KSR2: variants seen among roughly 807,000 people sequenced by gnomAD.
The protein encoded by KSR2 is kinase suppressor of ras 2.
In KSR2, 25 loss-of-function variants were observed where a neutral mutation model predicts 107.8. That is an observed-to-expected ratio of 0.23 (90% CI 0.17 to 0.32). The LOEUF (loss-of-function observed/expected upper bound fraction) is 0.32, where lower values mean the gene tolerates loss of function less well. KSR2 is among the 10% of genes least tolerant of loss of function. KSR2 has a pLI of 1.00. For synonymous variants in KSR2, 480 were observed against 507.0 expected (o/e 0.95, Z 0.71); for missense variants, 887 against 1,268.9 (o/e 0.70, Z 4.57).
chr12:117,794,393 T>G lies in KSR2; in HGVS notation c.473-32869A>C, dbSNP rs138374624. On this transcript the variant is annotated intron_variant, in intron 3 of 19. Coordinates refer to ENST00000339824, the MANE Select transcript of KSR2 (RefSeq NM_173598.6). ...TGCACACTCACACCAACATGCACAC[T>G]CACACCAACATGCACACACATGCAC... Among the ~76,000 whole-genome samples, 5 of 17,122 alleles carry G rather than the reference T, an allele frequency of 2.9e-4. 2 individuals are homozygous for G. The highest frequency in any genetic ancestry group is 1.3e-3 in the African/African-American group (5 of 3,768). The allele number at this position is 17,122 out of a possible 152,430, so 11.2% of individuals were successfully genotyped here.
chr12:117,793,022 T>C (rs1189871390), intron 3 of KSR2, among the ~76,000 whole-genome samples: 1 of 127,304 alleles, frequency 7.9e-6, no homozygotes, highest in Admixed American at 8.5e-5. Flanking sequence ...GTACGCACTC[T>C]CACATCAACA....
At chr12:117,779,205 G>C (rs189147024) in intron 3 of KSR2, among the ~76,000 whole-genome samples, 1 of 152,180 alleles carries the variant, frequency 6.6e-6, no homozygotes, top group Non-Finnish European at 1.5e-5. Context: ...CTGTGTAAAC[G>C]TCTATCAACC....
chr12:117,519,751 A>G (rs1158852239), intron 14 of KSR2, among the ~76,000 whole-genome samples: 1 of 152,046 alleles, frequency 6.6e-6, no homozygotes, highest in Non-Finnish European at 1.5e-5. Flanking sequence ...AATTTAGCGT[A>G]TATATAGAAG....
chr12:117,764,050 G>C (rs1889140021), intron 3 of KSR2, among the ~76,000 whole-genome samples: 1 of 152,048 alleles, frequency 6.6e-6, no homozygotes, highest in African/African-American at 2.4e-5. Context: ...CACATTTGAT[G>C]GTTTCCAAAG....
chr12:117,674,927 T>G (rs1048520197), intron 4 of KSR2, among the ~76,000 whole-genome samples: 1 of 152,212 alleles, frequency 6.6e-6, no homozygotes, highest in African/African-American at 2.4e-5. Flanking sequence ...GGGTCATCTT[T>G]CTGGTCCTTG....
intron 1 of KSR2, among the ~76,000 whole-genome samples, chr12:117,938,150 C>T (rs983188848): frequency 5.9e-5 from 9 of 152,114 alleles, no homozygotes; most frequent in African/African-American, 2.2e-4. Flanking sequence ...CAGGTCTTCG[C>T]TTTAGCATCA....
chr12:117,482,607 A>C (rs748961223), intron 16 of KSR2, among the ~76,000 whole-genome samples: 62 of 152,086 alleles, frequency 4.1e-4, no homozygotes, highest in Non-Finnish European at 5.9e-4. Flanking sequence ...CTTGCCCTTG[A>C]CTTGGTTGAA....
chr12:117,752,250 T>C (rs1888636861), intron 4 of KSR2, among the ~76,000 whole-genome samples: 1 of 152,204 alleles, frequency 6.6e-6, no homozygotes, highest in African/African-American at 2.4e-5. Flanking sequence ...CTGAAGTTTT[T>C]GACATACTGT....
intron 5 of KSR2, among the ~76,000 whole-genome samples, chr12:117,593,990 G>A (rs1438118355): frequency 6.6e-6 from 1 of 152,210 alleles, no homozygotes; most frequent in Non-Finnish European, 1.5e-5. Flanking sequence ...CTGCCTGGGT[G>A]TGATGGATGG....
At chr12:117,743,746 T>C (rs1397530700) in intron 4 of KSR2, among the ~76,000 whole-genome samples, 1 of 152,188 alleles carries the variant, frequency 6.6e-6, no homozygotes, top group African/African-American at 2.4e-5. Context: ...CTCCTACTTT[T>C]CTGTCATTGG....
chr12:117,488,150 G>T (rs1872568687), intron 14 of KSR2, among the ~76,000 whole-genome samples: 1 of 152,064 alleles, frequency 6.6e-6, no homozygotes, highest in Admixed American at 6.5e-5. Context: ...TTTCCCCTTT[G>T]CCTCCCATCA....
intron 5 of KSR2, among the ~76,000 whole-genome samples, chr12:117,654,786 C>T (rs1003933331): frequency 1.3e-5 from 2 of 152,186 alleles, no homozygotes; most frequent in African/African-American, 4.8e-5. Context: ...TGCTCACCAA[C>T]GGGTGACCTC....
chr12:117,684,477 G>A (rs1885488570), intron 4 of KSR2, among the ~76,000 whole-genome samples: 1 of 152,174 alleles, frequency 6.6e-6, no homozygotes, highest in Non-Finnish European at 1.5e-5. Flanking sequence ...GAGCAGGGAG[G>A]GGGTGGCACT....
intron 5 of KSR2, among the ~76,000 whole-genome samples, chr12:117,656,679 T>C (rs1324377388): frequency 6.6e-6 from 1 of 151,980 alleles, no homozygotes; most frequent in Non-Finnish European, 1.5e-5. Flanking sequence ...GTGGGTACAA[T>C]CTAATCAGCT....
intron 5 of KSR2, among the ~76,000 whole-genome samples, chr12:117,602,824 C>T (rs1881030028): frequency 6.6e-6 from 1 of 152,184 alleles, no homozygotes; most frequent in South Asian, 2.1e-4. Flanking sequence ...CCCCACTGGG[C>T]CTGAGCTCTT....
At chr12:117,877,936 T>C (rs1330392541) in intron 1 of KSR2, among the ~76,000 whole-genome samples, 1 of 152,194 alleles carries the variant, frequency 6.6e-6, no homozygotes, top group Non-Finnish European at 1.5e-5. Context: ...TCAGAACCAC[T>C]GCATGGGGCT....
chr12:117,478,034 C>T (rs566827683), intron 16 of KSR2, among the ~76,000 whole-genome samples: 7 of 152,276 alleles, frequency 4.6e-5, no homozygotes, highest in African/African-American at 1.7e-4. Flanking sequence ...TGACTCAAGA[C>T]TCCTAGGAAC....
intron 1 of KSR2, among the ~76,000 whole-genome samples, chr12:117,924,137 C>T (rs1055052489): frequency 1.3e-5 from 2 of 151,732 alleles, no homozygotes; most frequent in East Asian, 3.9e-4. Context: ...CTCGGCCTCC[C>T]CAAGTGCTAG....
chr12:117,536,534 T>C (rs11833157), intron 10 of KSR2, among the ~76,000 whole-genome samples: 52,484 of 152,110 alleles, frequency 0.35, 9,204 homozygotes, highest in South Asian at 0.43. Flanking sequence ...GAAGTTCTTC[T>C]AGACTTTACT....
Sources: allele counts gnomAD v4.1 joint callset (sites outside exome capture counted in the v4.1 genomes callset), GRCh38; gene constraint gnomAD v4.1.1; transcripts MANE v1.5; gene names NCBI Gene and HGNC (gene_info 2026-07-23, HGNC 2026-07-21).